Variants in SSH1 observed in about 807,000 individuals in gnomAD.
The protein encoded by SSH1 is protein phosphatase Slingshot homolog 1.
In SSH1, 43 loss-of-function variants were observed where a neutral mutation model predicts 79.7. The ratio of observed to expected loss-of-function variants is 0.54; its 90% CI spans 0.42 to 0.70. The LOEUF is 0.70. Among genes scored for constraint, SSH1 ranks in the 30% least tolerant of loss-of-function variants. The pLI, the probability that SSH1 is intolerant of heterozygous loss-of-function variation, is 0.00. For synonymous variants in SSH1, 599 were observed against 538.3 expected (o/e 1.11, Z -1.56); for missense variants, 1,206 against 1,358.8 (o/e 0.89, Z 1.77).
rs182178595 is a variant in SSH1, at chr12:108,792,748, G to A, written c.1431C>T (p.Gly477=). 749 of 1,613,884 alleles carry A rather than the reference G, an allele frequency of 4.6e-4. 10 individuals are homozygous for A. The South Asian group carries it at 4.9e-3, about 10-fold the overall frequency. The part of the protein sequence containing the change: ...QQPVDDPAGP[G]DFLPETPDGT... ...CATCTGGGGTCTCTGGCAAGAAGTC[G>A]CCAGGTCCTGCAGGGTCATCCACAG... The change falls in exon 14 of 15, where the codon GGC becomes GGT. Residue 477 remains glycine (G), a synonymous_variant. Transcript: ENST00000326495.
chr12:108,812,859 CTTTTCT>C (rs1421926881), intron 5 of SSH1, among the ~76,000 whole-genome samples: 2 of 122,992 alleles, frequency 1.6e-5, no homozygotes, highest in Non-Finnish European at 3.2e-5. Context: ...GCATATTTTT[CTTTTCT>C]TTTTTTTTTT....
Position 108,807,802 on chromosome 12 carries a change from C to T in SSH1, c.562G>A (p.Ala188Thr). 1 of 1,613,954 alleles carries T rather than the reference C, an allele frequency of 6.2e-7. No individual in the cohort carries two copies. Among genetic ancestry groups the T allele is most frequent in the Non-Finnish European group, 8.5e-7 (1 of 1,180,000 alleles). Residue 188 changes from alanine (A) to threonine (T), a missense_variant, in exon 8 of 15, where the codon GCC becomes ACC. Ala to Thr is a moderately conservative substitution (Grantham distance 58). This residue lies in a region of SSH1 where 115 missense variants were observed against 173.9 expected (regional missense o/e 0.66). Coordinates refer to ENST00000326495, the MANE Select transcript of SSH1 (RefSeq NM_018984.4). The surrounding 1 kb of genome is among the most constrained non-coding windows in gnomAD (Gnocchi z 5.2). The part of the protein sequence containing the change: ...MWSALQVLHK[A>T]CEVARRHNYF... Reference sequence around the variant, plus strand: ...TTGTGCCTCCGGGCCACTTCGCAGGCCTTGTGAAGCACCTGCAGGGCAGAC... The same window carrying T: ...TTGTGCCTCCGGGCCACTTCGCAGGTCTTGTGAAGCACCTGCAGGGCAGAC...
intron 2 of SSH1, among the ~76,000 whole-genome samples, chr12:108,830,079 C>T (rs71454749): frequency 6.6e-6 from 1 of 152,160 alleles, no homozygotes; most frequent in African/African-American, 2.4e-5. Flanking sequence ...TGCACTCCAA[C>T]CTGGGAGACA....
chr12:108,821,264 C>G (rs897016996), intron 3 of SSH1, among the ~76,000 whole-genome samples: 1 of 151,888 alleles, frequency 6.6e-6, no homozygotes, highest in East Asian at 1.9e-4. Flanking sequence ...TGTGGTGACA[C>G]GCATCTATGG....
In SSH1 at chr12:108,856,047, C is replaced by G. The variant is rs141167889; in HGVS notation, c.69+1381G>C. On this transcript the variant is annotated intron_variant, in intron 1 of 14. Coordinates refer to ENST00000326495, the MANE Select transcript of SSH1 (RefSeq NM_018984.4). Reference sequence around the variant, plus strand: ...CCCCGTGTTATCAGTCAACTTCCCCCACTCCCTCCCACAAAGAAAGGGGCT... The same window carrying G: ...CCCCGTGTTATCAGTCAACTTCCCCGACTCCCTCCCACAAAGAAAGGGGCT... Among the ~76,000 whole-genome samples the G allele has an allele frequency of 9.2e-3, 1,396 of 152,358 alleles. 16 individuals carry two copies. The highest frequency in any genetic ancestry group is 0.018 in the South Asian group (88 of 4,832).
chr12:108,800,520 G>T (rs961745173), intron 12 of SSH1, among the ~76,000 whole-genome samples: 2 of 152,280 alleles, frequency 1.3e-5, no homozygotes, highest in South Asian at 4.2e-4. Flanking sequence ...TCAAAGATAG[G>T]TGGGAGAGAC....
Position 108,792,276 on chromosome 12 carries a change from C to A in SSH1, c.1893+10G>T. ...GGGGTGTGCCACCCTGCAGGCCGGGCTCTGCCTACCTCCATGCCGTTGGGA... is the reference window on the plus strand; with the variant it reads ...GGGGTGTGCCACCCTGCAGGCCGGGATCTGCCTACCTCCATGCCGTTGGGA... On this transcript the variant is annotated intron_variant, in intron 14 of 14. Transcript: ENST00000326495. 1 of 1,614,156 alleles carries A rather than the reference C, an allele frequency of 6.2e-7. No individual in the cohort carries two copies. Among genetic ancestry groups the A allele is most frequent in the Non-Finnish European group, 8.5e-7 (1 of 1,180,026 alleles).
At position 108,807,623 on chromosome 12, in the gene SSH1, C is replaced by A. The variant is rs776165123; in HGVS notation, c.731+10G>T. The A allele has an allele frequency of 6.2e-7, 1 of 1,612,102 alleles. No individual in the cohort carries two copies. Among genetic ancestry groups the A allele is most frequent in the Admixed American group, 1.7e-5 (1 of 59,906 alleles). ...CTTGGGTGCGCTCACACCAGAGGCA[C>A]CTCACTTACTTGTCCACAAATAGCG... On this transcript the variant is annotated intron_variant, in intron 8 of 14. Transcript: ENST00000326495. The surrounding 1 kb of genome is among the most constrained non-coding windows in gnomAD (Gnocchi z 5.2).
chr12:108,797,122 T>TTTTG lies in SSH1; in HGVS notation c.1349+1874_1349+1877dup, dbSNP rs370399942. On this transcript the variant is annotated intron_variant, in intron 13 of 14. Coordinates refer to ENST00000326495, the MANE Select transcript of SSH1 (RefSeq NM_018984.4). ...TCCACATTAAGGTGAGCATTCATTGTTTTGTTTGTTTGTTTTCTTTTTCAG... is the reference window on the plus strand; with the variant it reads ...TCCACATTAAGGTGAGCATTCATTGTTTTGTTTGTTTGTTTGTTTTCTTTTTCAG... 3.3e-3 allele frequency among the ~76,000 whole-genome samples: 503 copies of TTTTG among 152,166 alleles called. 7 individuals carry two copies. Among genetic ancestry groups the TTTTG allele is most frequent in the African/African-American group, 0.011 (450 of 41,500 alleles).
At chr12:108,852,956 T>C in intron 1 of SSH1, 1 of 985,412 alleles carries the variant, frequency 1.0e-6, no homozygotes, top group South Asian at 4.7e-5. Context: ...CTGGTGTTGT[T>C]ACCCAGCACG....
At chr12:108,789,323 A>G in intron 14 of SSH1, 79 bp from the exon 15 acceptor site, 2 of 1,477,358 alleles carry the variant, frequency 1.4e-6, no homozygotes. Context: ...TGGGCAGGGA[A>G]AGGGGTGCGA....
intron 1 of SSH1, among the ~76,000 whole-genome samples, chr12:108,855,052 T>C (rs1252728750): frequency 6.6e-6 from 1 of 152,102 alleles, no homozygotes; most frequent in African/African-American, 2.4e-5. Context: ...TGGCACTTGG[T>C]AAAAATAATG....
chr12:108,847,037 C>T (rs113928193), intron 2 of SSH1, among the ~76,000 whole-genome samples: 3,658 of 152,258 alleles, frequency 0.024, 67 homozygotes, highest in South Asian at 0.094. Flanking sequence ...GCTGGGACTA[C>T]AGGCGTGCGC....
chr12:108,826,705 C>T (rs114353542), intron 2 of SSH1, among the ~76,000 whole-genome samples: 198 of 152,306 alleles, frequency 1.3e-3, no homozygotes, highest in African/African-American at 4.5e-3. Flanking sequence ...CTGTATCTGA[C>T]GACTGCAGCT....
In SSH1 at chr12:108,800,860, A is replaced by G. The variant is rs1279918196; in HGVS notation, c.1068T>C (p.His356=). ...TCTCTTCATCGTAGACTCGGATGTTATGATATGCAAATAAGCCAGGAAAAA... is the reference window on the plus strand; with the variant it reads ...TCTCTTCATCGTAGACTCGGATGTTGTGATATGCAAATAAGCCAGGAAAAA... The part of the protein sequence containing the change: ...DNFFPGLFAY[H]NIRVYDEETT... Residue 356 remains histidine, a synonymous_variant, in exon 12 of 15, where the codon CAT becomes CAC. Transcript: ENST00000326495. 6.2e-7 allele frequency: 1 copy of G among 1,614,076 alleles called. No individual in the cohort carries two copies. Among genetic ancestry groups the G allele is most frequent in the Admixed American group, 1.7e-5 (1 of 60,016 alleles).
chr12:108,853,695 G>A (rs1481965759), intron 1 of SSH1, among the ~76,000 whole-genome samples: 1 of 152,166 alleles, frequency 6.6e-6, no homozygotes, highest in Non-Finnish European at 1.5e-5. Flanking sequence ...AGGCCGAGGT[G>A]GGCGGATCAC....
At chr12:108,821,393 T>TA (rs2038113832) in intron 3 of SSH1, among the ~76,000 whole-genome samples, 2 of 151,418 alleles carry the variant, frequency 1.3e-5, no homozygotes, top group South Asian at 2.1e-4. Flanking sequence ...GATCCGTCTC[T>TA]AAAAAAACTT....
In SSH1 at chr12:108,842,062, G is replaced by C. The variant is rs1379216478; in HGVS notation, c.110+10576C>G. On this transcript the variant is annotated intron_variant, in intron 2 of 14. Coordinates refer to ENST00000326495, the MANE Select transcript of SSH1 (RefSeq NM_018984.4). ...GAGGACCAATTGAGCCCAGGAGGTC[G>C]GGGCTGCAGTGAGCTGTAATCATGC... Among the ~76,000 whole-genome samples, 3 of 152,046 alleles carry C rather than the reference G, an allele frequency of 2.0e-5. No homozygotes were observed. In the East Asian group the frequency reaches 5.8e-4, roughly 29 times the overall value.
chr12:108,851,478 C>A (rs1289303295), intron 2 of SSH1, among the ~76,000 whole-genome samples: 1 of 152,010 alleles, frequency 6.6e-6, no homozygotes, highest in Non-Finnish European at 1.5e-5. Context: ...GAACAATATT[C>A]CTGAAAATTT....
Sources: gnomAD v4.1 joint callset for allele counts (sites outside exome capture counted in the v4.1 genomes callset) on GRCh38, gnomAD v4.1.1 for gene constraint, gnomAD v4.1.1 regional missense constraint, Gnocchi (gnomAD v3.1) non-coding constraint, MANE v1.5 for transcripts, NCBI Gene and HGNC (gene_info 2026-07-23, HGNC 2026-07-21) for gene names.